The following TMEM273 variants were observed in gnomAD, a reference collection of about 807,000 sequenced individuals.
TMEM273 encodes chromosome 10 open reading frame 128.
TMEM273 carries 19 observed loss-of-function variants against 17.9 expected under a neutral mutation model. The ratio of observed to expected loss-of-function variants is 1.06; its 90% confidence interval spans 0.74 to 1.55. TMEM273 has a LOEUF of 1.55. TMEM273 is among the 40% of genes most tolerant of loss of function. The pLI, the probability that TMEM273 is intolerant of heterozygous loss-of-function variation, is 0.00. For missense variants in TMEM273, 194 were observed against 155.6 expected, an observed-to-expected ratio of 1.25 and a Z score of -1.31; for synonymous variants, 66 against 62.0, an observed-to-expected ratio of 1.07 and a Z score of -0.31.
chr10:49,187,491 T>C (rs1049906416), intron 1 of TMEM273, among the ~76,000 whole-genome samples: 7 of 152,210 alleles, frequency 4.6e-5, no homozygotes, highest in Admixed American at 1.3e-4. Context: ...AACGTCTTTG[T>C]ATATATGAGG....
chr10:49,156,821 G>C (rs1360287004), intron 6 of TMEM273, among the ~76,000 whole-genome samples: 1 of 152,190 alleles, frequency 6.6e-6, no homozygotes, highest in Non-Finnish European at 1.5e-5. Flanking sequence ...CAGGGATATA[G>C]AGCTTGATGG....
chr10:49,180,654 TG>T (rs2132269177), intron 1 of TMEM273, among the ~76,000 whole-genome samples: 1 of 151,718 alleles, frequency 6.6e-6, no homozygotes, highest in African/African-American at 2.4e-5. Flanking sequence ...TCTATTTGAA[TG>T]AAAAAAAAAA....
intron 5 of TMEM273, among the ~76,000 whole-genome samples, chr10:49,164,482 T>G (rs1846040088): frequency 6.6e-6 from 1 of 152,122 alleles, no homozygotes; most frequent in African/African-American, 2.4e-5. Flanking sequence ...AAAAATATTC[T>G]CTCTCTCCCC....
chr10:49,161,497 G>A lies in TMEM273; in HGVS notation c.372+102C>T, dbSNP rs536235858. The A allele has an allele frequency of 1.0e-4, 149 of 1,487,332 alleles. No homozygotes were observed. In the East Asian group the frequency reaches 1.2e-3, roughly 12 times the overall value. The allele number at this position is 1,487,332 out of a possible 1,614,324, so 92.1% of individuals were successfully genotyped here. ...GCCATGCCATGGTTGCCCGTCCCAC[G>A]TGGCCAGGGGAGGGAGAGGTCATGC... On this transcript the variant is annotated intron_variant, in intron 6 of 6. Coordinates refer to ENST00000374153, the MANE Select transcript of TMEM273 (RefSeq NM_001288740.3).
chr10:49,166,902 A>G lies in TMEM273; in HGVS notation c.205T>C (p.Ser69Pro). The G allele has an allele frequency of 1.2e-6, 2 of 1,614,054 alleles. No homozygotes were observed. The highest frequency in any genetic ancestry group is 1.7e-6 in the Non-Finnish European group (2 of 1,180,016). ...IRRHLFDDDS[S>P]DLKSTPGGLS... Reference sequence around the variant, plus strand: ...CCCCCAGGCGTGCTTTTCAGGTCGGAAGAGTCGTCGTCAAATAAGTGCCTC... The same window carrying G: ...CCCCCAGGCGTGCTTTTCAGGTCGGGAGAGTCGTCGTCAAATAAGTGCCTC... Residue 69 changes from serine (S) to proline (P), a missense_variant, in exon 3 of 7, where the codon TCC becomes CCC. Coordinates refer to ENST00000374153, the MANE Select transcript of TMEM273 (RefSeq NM_001288740.3).
chr10:49,158,381 AATC>A (rs1476213613), intron 6 of TMEM273, among the ~76,000 whole-genome samples: 3 of 152,136 alleles, frequency 2.0e-5, no homozygotes, highest in Non-Finnish European at 4.4e-5. Flanking sequence ...AACACAAAGC[AATC>A]ATCATAAAAT....
intron 1 of TMEM273, among the ~76,000 whole-genome samples, chr10:49,181,335 A>T (rs554205589): frequency 6.6e-6 from 1 of 152,340 alleles, no homozygotes; most frequent in South Asian, 2.1e-4. Flanking sequence ...GCCCAGCAAG[A>T]CTGTTTTTGT....
intron 5 of TMEM273, among the ~76,000 whole-genome samples, chr10:49,163,931 A>T (rs563569307): frequency 1.3e-5 from 2 of 152,138 alleles, no homozygotes; most frequent in Non-Finnish European, 2.9e-5. Flanking sequence ...GCCACAATGC[A>T]CCATGCGTTC....
rs552798468 is a variant in TMEM273 at position 49,158,027 on chromosome 10, G to A, written c.373-2118C>T. Among the ~76,000 whole-genome samples the A allele has an allele frequency of 6.6e-5, 10 of 152,182 alleles. No individual in the cohort carries two copies. In the East Asian group the frequency reaches 1.2e-3, roughly 18 times the overall value. The stretch of plus-strand genomic sequence containing the variant: ...AAAATCAAAATACAATCAATGACCA[G>A]GTAGGAGACATAATGGCAAAAACTC... On this transcript the variant is annotated intron_variant, in intron 6 of 6. Coordinates refer to ENST00000374153, the MANE Select transcript of TMEM273 (RefSeq NM_001288740.3).
chr10:49,169,930 G>A (rs1021006398), intron 1 of TMEM273, among the ~76,000 whole-genome samples: 3 of 152,204 alleles, frequency 2.0e-5, no homozygotes, highest in African/African-American at 7.2e-5. Flanking sequence ...CAGAAGGCAG[G>A]AGGACAGGGG....
chr10:49,171,780 G>T (rs9804328), intron 1 of TMEM273, among the ~76,000 whole-genome samples: 8,549 of 152,312 alleles, frequency 0.056, 805 homozygotes, highest in African/African-American at 0.2. Context: ...AAGCTGAGAT[G>T]AGTTATTTTG....
At chr10:49,166,553 T>C (rs1846196874) in intron 3 of TMEM273, 1 of 336,418 alleles carries the variant, frequency 3.0e-6, no homozygotes, top group African/African-American at 2.1e-5. Flanking sequence ...CTCCAGGAAA[T>C]GTGATTCTCA....
chr10:49,178,181 A>G (rs959166843), intron 1 of TMEM273: 3 of 457,074 alleles, frequency 6.6e-6, no homozygotes, highest in Admixed American at 2.4e-5. Flanking sequence ...TTGCTGGCCC[A>G]TGTCACCTCT....
chr10:49,161,553 A>G, intron 6 of TMEM273, 46 bp downstream of exon 6: 1 of 1,613,794 alleles, frequency 6.2e-7, no homozygotes, highest in African/African-American at 1.3e-5. Flanking sequence ...TGGGGCAGAG[A>G]CTGCCTGTCC....
intron 1 of TMEM273, 113 bp downstream of exon 1, chr10:49,188,180 GT>G: frequency 8.5e-7 from 1 of 1,181,068 alleles, no homozygotes; most frequent in Non-Finnish European, 1.2e-6. Flanking sequence ...AACATCATCT[GT>G]GTAAAGGGAC....
intron 1 of TMEM273, among the ~76,000 whole-genome samples, chr10:49,183,353 TTGTGTGTG>T (rs3079989): frequency 6.7e-6 from 1 of 148,742 alleles, no homozygotes; most frequent in Non-Finnish European, 1.5e-5. Context: ...AGGAAACAAA[TTGTGTGTG>T]TGTGTGTGTG....
At chr10:49,170,032 C>T (rs1478273060) in intron 1 of TMEM273, among the ~76,000 whole-genome samples, 1 of 152,238 alleles carries the variant, frequency 6.6e-6, no homozygotes, top group Non-Finnish European at 1.5e-5. Context: ...GCTTGGTCCC[C>T]CCTCCCATCC....
chr10:49,165,374 G>T (rs1289565785), intron 4 of TMEM273, 91 bp from the exon 5 acceptor site: 15 of 1,540,714 alleles, frequency 9.7e-6, no homozygotes, highest in Non-Finnish European at 1.3e-5. Flanking sequence ...GTGCAGAAGA[G>T]CAGGGTACCT....
intron 1 of TMEM273, among the ~76,000 whole-genome samples, chr10:49,179,954 T>C (rs1204236677): frequency 6.6e-6 from 1 of 152,200 alleles, no homozygotes; most frequent in Non-Finnish European, 1.5e-5. Context: ...AGTGGAGACC[T>C]GGGCTTCCAC....
Sources: gnomAD v4.1 joint callset for allele counts (sites outside exome capture counted in the v4.1 genomes callset) on GRCh38, gnomAD v4.1.1 for gene constraint, MANE v1.5 for transcripts, NCBI Gene and HGNC (gene_info 2026-07-23, HGNC 2026-07-21) for gene names.